The following A2M variants were observed in gnomAD, a reference collection of about 807,000 sequenced individuals.
The protein encoded by A2M is C3 and PZP-like alpha-2-macroglobulin domain-containing protein 5.
A2M carries 128 observed loss-of-function variants against 183.9 expected under a neutral mutation model. That is an observed-to-expected ratio of 0.70 (90% CI 0.60 to 0.81). The LOEUF (loss-of-function observed/expected upper bound fraction) is 0.81, where lower values mean the gene tolerates loss of function less well. A2M is among the 30% of genes least tolerant of loss of function. A2M has a pLI of 0.00. For synonymous variants in A2M, 592 were observed against 670.8 expected (o/e 0.88, Z 1.81); for missense variants, 1,495 against 1,787.6 (o/e 0.84, Z 2.95).
At chr12:9,078,005 C>T (rs938425096) in intron 25 of A2M, 148 bp from the exon 26 acceptor site, 1 of 881,562 alleles carries the variant, frequency 1.1e-6, no homozygotes. Context: ...CTTTAGTCTG[C>T]CTGATTAATC....
At position 9,114,758 on chromosome 12, in the gene A2M, G is replaced by A. The variant is rs139223314; in HGVS notation, c.86+1006C>T. Reference sequence around the variant, plus strand: ...AAATACATATATATGTAACATATGTGGGTAGGTAAATTTAACTTTAACTCC... The same window carrying A: ...AAATACATATATATGTAACATATGTAGGTAGGTAAATTTAACTTTAACTCC... On this transcript the variant is annotated intron_variant, in intron 1 of 35. Transcript: ENST00000318602. 1.1e-3 allele frequency among the ~76,000 whole-genome samples: 171 copies of A among 151,720 alleles called. 1 individual carries two copies. The highest frequency in any genetic ancestry group is 1.9e-3 in the Non-Finnish European group (130 of 67,902).
Position 9,091,432 on chromosome 12 carries a change from G to A in A2M, c.2241-3C>T, listed in dbSNP as rs1201309786. The A allele has an allele frequency of 2.5e-6, 4 of 1,613,840 alleles. No individual in the cohort carries two copies. The South Asian group carries it at 4.4e-5, about 18-fold the overall frequency. ...CTACCTCAGCCACACCTGCTGAGCTGGAGAGGAGTGTAAGTGAAGAACAGA... is the reference window on the plus strand; with the variant it reads ...CTACCTCAGCCACACCTGCTGAGCTAGAGAGGAGTGTAAGTGAAGAACAGA... On this transcript the variant is annotated splice_polypyrimidine_tract_variant and splice_region_variant and intron_variant, in intron 18 of 35. Coordinates refer to ENST00000318602, the MANE Select transcript of A2M (RefSeq NM_000014.6).
At chr12:9,110,791 G>C (rs1938668503) in intron 4 of A2M, among the ~76,000 whole-genome samples, 1 of 152,008 alleles carries the variant, frequency 6.6e-6, no homozygotes, top group African/African-American at 2.4e-5. Context: ...AAATATTCCA[G>C]ATTAAATTTT....
intron 15 of A2M, among the ~76,000 whole-genome samples, chr12:9,097,129 TA>T (rs1949404902): frequency 6.6e-6 from 1 of 152,224 alleles, no homozygotes. Context: ...TTGAGAATTA[TA>T]AAATTATATT....
In A2M at chr12:9,068,765, CA is replaced by C; in HGVS notation, c.4340del (p.Val1447GlyfsTer55). 1 of 1,607,572 alleles carries C rather than the reference CA, an allele frequency of 6.2e-7. No homozygotes were observed. Among genetic ancestry groups the C allele is most frequent in the South Asian group, 1.1e-5 (1 of 89,232 alleles). ...CCGTCTCGTAGTAATCATAGACTTTCACTATGGCTGGTTTCAGATCTCTTAC... is the reference window on the plus strand; with the variant it reads ...CCGTCTCGTAGTAATCATAGACTTTCCTATGGCTGGTTTCAGATCTCTTAC... ...VPVRDLKPAI[V>X]KVYDYYETDE... On this transcript the variant is annotated frameshift_variant, in exon 34 of 36. Coordinates refer to ENST00000318602, the MANE Select transcript of A2M (RefSeq NM_000014.6). LOFTEE classifies it high-confidence loss of function.
Position 9,090,492 on chromosome 12 carries a change from C to T in A2M, c.2470-10G>A. ...CCAGCTGCACACTGACCTGAAACCA[C>T]ACATAAGAAAGGGAGTAGAGAGGGA... On this transcript the variant is annotated splice_polypyrimidine_tract_variant and intron_variant, in intron 19 of 35. Transcript: ENST00000318602. 2 of 1,613,136 alleles carry T rather than the reference C, an allele frequency of 1.2e-6. No individual in the cohort carries two copies. The highest frequency in any genetic ancestry group is 1.3e-5 in the African/African-American group (1 of 74,988).
intron 5 of A2M, 50 bp downstream of exon 5, chr12:9,110,264 C>T (rs773048368): frequency 7.3e-7 from 1 of 1,364,648 alleles, no homozygotes. Flanking sequence ...AGAACATTTT[C>T]CCTATATGTA....
At chr12:9,110,472 A>T (rs1938641093) in intron 4 of A2M, 138 bp from the exon 5 acceptor site, 1 of 503,598 alleles carries the variant, frequency 2.0e-6, no homozygotes, top group Non-Finnish European at 3.4e-6. Context: ...ATTTAAAAAT[A>T]ACTAAAAGTA....
intron 1 of A2M, among the ~76,000 whole-genome samples, chr12:9,114,135 A>G (rs1001653199): frequency 6.6e-6 from 1 of 152,142 alleles, no homozygotes; most frequent in African/African-American, 2.4e-5. Flanking sequence ...CTAACCATGG[A>G]TGTTTGCATT....
rs780947892 is a variant in A2M at position 9,074,725 on chromosome 12, G to T, written c.3591C>A (p.Tyr1197Ter). 1 of 1,613,878 alleles carries T rather than the reference G, an allele frequency of 6.2e-7. No homozygotes were observed. The change falls in exon 29 of 36, where the codon TAC (tyrosine) becomes TAA (stop). Residue 1197 changes from tyrosine (Y) to a stop codon, truncating the protein, a stop_gained. Transcript: ENST00000318602. LOFTEE classifies it high-confidence loss of function. ...CCTCAGCAGAGGGAGCCTGGGGTTC[G>T]TAAAAATGCCCCACTGGTGCCTTGG... is the stretch of plus-strand genomic sequence containing the variant. ...QKPKAPVGHF[Y>*]EPQAPSAEVE... is the part of the protein sequence containing the mutation.
chr12:9,089,861 T>C (rs1949155628), intron 21 of A2M, 41 bp downstream of exon 21: 1 of 1,292,440 alleles, frequency 7.7e-7, no homozygotes, highest in Non-Finnish European at 1.1e-6. Flanking sequence ...CCACATATAT[T>C]ATATATTATT....
chr12:9,107,563 A>T lies in A2M; in HGVS notation c.840T>A (p.Gly280=). ...TCTCACAGAAAGCCTGTGAATCTTC[A>T]CCGTGGCAGTCGGAAGCGTCACTAT... The part of the protein sequence containing the change: ...RKYSDASDCH[G]EDSQAFCEKF... The change falls in exon 8 of 36, where the codon GGT becomes GGA. Residue 280 remains glycine (G), a synonymous_variant. Coordinates refer to ENST00000318602, the MANE Select transcript of A2M (RefSeq NM_000014.6). The T allele has an allele frequency of 6.2e-7, 1 of 1,613,910 alleles. No individual in the cohort carries two copies.
At chr12:9,071,200 ATTTG>A (rs1948566407) in intron 31 of A2M, among the ~76,000 whole-genome samples, 1 of 152,000 alleles carries the variant, frequency 6.6e-6, no homozygotes, top group Admixed American at 6.6e-5. Context: ...TATTTTATTT[ATTTG>A]TTTACTTTTA....
At position 9,068,832 on chromosome 12, in the gene A2M, T is replaced by C; in HGVS notation, c.4274A>G (p.Gln1425Arg). 6.3e-7 allele frequency: 1 copy of C among 1,595,416 alleles called. No homozygotes were observed. The highest frequency in any genetic ancestry group is 8.5e-7 in the Non-Finnish European group (1 of 1,171,952). Reference sequence around the variant, plus strand: ...AACCGTGAAGAACAAGCTCAGTGTCTGATTTGACACCTGGAAAGCAAAAGT... The same window carrying C: ...AACCGTGAAGAACAAGCTCAGTGTCCGATTTGACACCTGGAAAGCAAAAGT... ...VLIYLDKVSN[Q>R]TLSLFFTVLQ... The change falls in exon 34 of 36, where the codon CAG becomes CGG. Residue 1425 changes from glutamine (Q) to arginine (R), a missense_variant. Transcript: ENST00000318602.
chr12:9,107,996 A>G (rs1938435193), intron 7 of A2M, among the ~76,000 whole-genome samples: 1 of 152,068 alleles, frequency 6.6e-6, no homozygotes, highest in South Asian at 2.1e-4. Context: ...AAAAACCCAA[A>G]CGCCCTCAAG....
intron 29 of A2M, 32 bp from the exon 30 acceptor site, chr12:9,072,903 T>C (rs988722303): frequency 2.5e-6 from 4 of 1,583,948 alleles, no homozygotes; most frequent in Non-Finnish European, 3.5e-6. Flanking sequence ...GAGAACCCAT[T>C]GGGCATTATA....
At chr12:9,070,343 A>G in intron 32 of A2M, 145 bp downstream of exon 32, 1 of 641,276 alleles carries the variant, frequency 1.6e-6, no homozygotes, top group Admixed American at 2.6e-5. Context: ...ATACAAACAC[A>G]TGTGATTATA....
In A2M at chr12:9,093,583, T is replaced by C. The variant is rs1820121813; in HGVS notation, c.2126-4A>G. On this transcript the variant is annotated splice_polypyrimidine_tract_variant and splice_region_variant and intron_variant, in intron 17 of 35. Coordinates refer to ENST00000318602, the MANE Select transcript of A2M (RefSeq NM_000014.6). Reference sequence around the variant, plus strand: ...CCTCTTCCCATTACATCTGACTCTATGGTGAGTGAGGAAGAAGACATTACA... The same window carrying C: ...CCTCTTCCCATTACATCTGACTCTACGGTGAGTGAGGAAGAAGACATTACA... 7 of 1,127,232 alleles carry C rather than the reference T, an allele frequency of 6.2e-6. No homozygotes were observed. In the Admixed American group the frequency reaches 1.1e-4, roughly 18 times the overall value. 69.8% of individuals were successfully genotyped at this position (1,127,232 alleles called of 1,614,324 possible). A position where few individuals can be genotyped will look rare whatever the true frequency, so the allele number is the denominator to read the frequency against.
At chr12:9,086,359 C>A (rs367614995) in intron 22 of A2M, among the ~76,000 whole-genome samples, 1 of 152,136 alleles carries the variant, frequency 6.6e-6, no homozygotes, top group African/African-American at 2.4e-5. Context: ...AAAAGCTCAT[C>A]ACTTAAAAAA....
Sources: gnomAD v4.1 joint callset for allele counts (sites outside exome capture counted in the v4.1 genomes callset) on GRCh38, gnomAD v4.1.1 for gene constraint, MANE v1.5 for transcripts, NCBI Gene and HGNC (gene_info 2026-07-23, HGNC 2026-07-21) for gene names.